The following VAC14 variants were observed in gnomAD, a reference collection of about 807,000 sequenced individuals.
VAC14 encodes the protein protein VAC14 homolog.
A neutral mutation model predicts 85.3 loss-of-function variants in VAC14; 47 were observed. The observed-to-expected ratio is 0.55, with a 90% CI of 0.44 to 0.70. The LOEUF (loss-of-function observed/expected upper bound fraction) is 0.70, where lower values mean the gene tolerates loss of function less well. VAC14 is among the 30% of genes least tolerant of loss of function. The probability of loss-of-function intolerance (pLI) is 0.00; values close to 1 mark genes in which losing one functional copy is unlikely to be tolerated. For missense variants in VAC14, 861 were observed against 1,004.3 expected, an observed-to-expected ratio of 0.86 and a Z score of 1.93; for synonymous variants, 447 against 430.5, an observed-to-expected ratio of 1.04 and a Z score of -0.47.
chr16:70,746,263 T>TC (rs1312054168), intron 12 of VAC14, among the ~76,000 whole-genome samples: 3 of 152,012 alleles, frequency 2.0e-5, no homozygotes, highest in African/African-American at 7.3e-5. Flanking sequence ...GCACGCAATC[T>TC]CCCAGCCTCA....
At chr16:70,795,863 G>T (rs927305566) in intron 1 of VAC14, among the ~76,000 whole-genome samples, 14 of 152,198 alleles carry the variant, frequency 9.2e-5, no homozygotes, top group Non-Finnish European at 1.5e-4. Context: ...ACTTGACCAT[G>T]AGTGGCGCTG....
intron 14 of VAC14, among the ~76,000 whole-genome samples, chr16:70,731,093 G>A (rs1295988168): frequency 1.3e-5 from 2 of 152,188 alleles, no homozygotes. Flanking sequence ...CATGACTCAG[G>A]AGCCTGGCTC....
chr16:70,691,303 A>G (rs1276583339), intron 18 of VAC14: 2 of 985,404 alleles, frequency 2.0e-6, no homozygotes, highest in Non-Finnish European at 2.4e-6. Flanking sequence ...TGGTTCCCAC[A>G]GGGAGACTGG....
intron 14 of VAC14, among the ~76,000 whole-genome samples, chr16:70,725,674 GAGGAGGCCCAGAATGAACCGGA>G (rs1220182004): frequency 2.0e-5 from 3 of 152,196 alleles, no homozygotes; most frequent in Non-Finnish European, 2.9e-5. Context: ...GCAGAGGTGA[GAGGAGGCCCAGAATGAACCGGA>G]AGCCTTGCTG....
At chr16:70,778,440 G>C (rs557595962) in intron 9 of VAC14, 1 of 151,334 alleles carries the variant, frequency 6.6e-6, no homozygotes, top group African/African-American at 2.4e-5. Flanking sequence ...TTTTTAAATT[G>C]AGATATAATT....
rs60817340 is a variant in VAC14 at position 70,784,830 on chromosome 16, G to A, written c.432C>T (p.Ala144=). The A allele has an allele frequency of 8.5e-3, 13,756 of 1,614,000 alleles. 895 individuals carry two copies. In the African/African-American group the frequency reaches 0.15, roughly 17 times the overall value. ...VLFDGLSKLA[A]DPDPNVKSGS... Reference sequence around the variant, plus strand: ...CGCTTTTCACATTGGGGTCTGGGTCGGCTGCCAGCTGCAAGAGGCACAGAC... The same window carrying A: ...CGCTTTTCACATTGGGGTCTGGGTCAGCTGCCAGCTGCAAGAGGCACAGAC... Residue 144 remains alanine (A), a synonymous_variant, in exon 4 of 19, where the codon GCC becomes GCT. Transcript: ENST00000261776.
chr16:70,753,835 C>T (rs534182026), intron 12 of VAC14, among the ~76,000 whole-genome samples: 9 of 152,302 alleles, frequency 5.9e-5, no homozygotes, highest in East Asian at 1.9e-4. Flanking sequence ...GCAGGCAACT[C>T]GCCCTGCAGC....
At chr16:70,694,201 C>G (rs2053660210) in intron 17 of VAC14, among the ~76,000 whole-genome samples, 1 of 152,198 alleles carries the variant, frequency 6.6e-6, no homozygotes, top group Non-Finnish European at 1.5e-5. Context: ...TGGAGTTCCT[C>G]CAGGGTCAGG....
intron 13 of VAC14, among the ~76,000 whole-genome samples, chr16:70,733,635 T>A (rs1278808709): frequency 2.6e-5 from 4 of 151,984 alleles, no homozygotes; most frequent in African/African-American, 9.7e-5. Flanking sequence ...TGGGGCACCT[T>A]CCTCTTACTC....
At chr16:70,780,755 A>G in intron 9 of VAC14, 35 bp downstream of exon 9, 1 of 1,537,862 alleles carries the variant, frequency 6.5e-7, no homozygotes, top group Non-Finnish European at 8.8e-7. Flanking sequence ...TGGGCCCCCG[A>G]CAGGAGGTGA....
In VAC14 at chr16:70,785,668, G is replaced by A. The variant is rs202056092; in HGVS notation, c.423+34C>T. 3.1e-5 allele frequency: 48 copies of A among 1,529,568 alleles called. No homozygotes were observed. The East Asian group carries it at 4.9e-4, about 16-fold the overall frequency. The allele number at this position is 1,529,568 out of a possible 1,614,324, so 94.7% of individuals were successfully genotyped here. On this transcript the variant is annotated intron_variant, in intron 3 of 18. Transcript: ENST00000261776. ...GTCAAGTGAGGTGGGGGAACCAAGCGCAGCTCAGTGAGGAGGAGGAGGAGG... is the reference window on the plus strand; with the variant it reads ...GTCAAGTGAGGTGGGGGAACCAAGCACAGCTCAGTGAGGAGGAGGAGGAGG...
intron 1 of VAC14, among the ~76,000 whole-genome samples, chr16:70,789,141 G>A (rs1368751854): frequency 6.6e-6 from 1 of 152,234 alleles, no homozygotes; most frequent in East Asian, 1.9e-4. Flanking sequence ...AAGACTAAAC[G>A]CAGAATGCGG....
chr16:70,729,093 G>T (rs994114150), intron 14 of VAC14, among the ~76,000 whole-genome samples: 1 of 152,182 alleles, frequency 6.6e-6, no homozygotes, highest in Non-Finnish European at 1.5e-5. Context: ...CTCCCTAGGG[G>T]ACCTCTGGCA....
intron 13 of VAC14, among the ~76,000 whole-genome samples, chr16:70,736,709 C>T (rs942802212): frequency 6.6e-6 from 1 of 152,170 alleles, no homozygotes; most frequent in Non-Finnish European, 1.5e-5. Context: ...TGCGAGAAGC[C>T]GCAGCAAGCG....
chr16:70,731,198 C>A lies in VAC14; in HGVS notation c.1661+297G>T, dbSNP rs1440415216. On this transcript the variant is annotated intron_variant, in intron 14 of 18. Coordinates refer to ENST00000261776, the MANE Select transcript of VAC14 (RefSeq NM_018052.5). The stretch of plus-strand genomic sequence containing the variant: ...GCTCACCTCCTTTCCTCTCCAAAAG[C>A]CTGACAATGGCATTGAATAAGAGGC... 7.7e-6 allele frequency: 7 copies of A among 914,268 alleles called. No homozygotes were observed. The African/African-American group carries it at 1.2e-4, about 16-fold the overall frequency. The allele number at this position is 914,268 out of a possible 1,614,324, so 56.6% of individuals were successfully genotyped here.
chr16:70,784,058 G>A (rs1423679745), intron 5 of VAC14, 55 bp downstream of exon 5: 1 of 1,449,186 alleles, frequency 6.9e-7, no homozygotes. Flanking sequence ...GAGTGTGCTA[G>A]AGAGCAGATT....
intron 12 of VAC14, among the ~76,000 whole-genome samples, chr16:70,761,664 C>T (rs2032397648): frequency 6.6e-6 from 1 of 152,214 alleles, no homozygotes; most frequent in Admixed American, 6.5e-5. Flanking sequence ...ACCTCCCAGG[C>T]CAGCCTCTGT....
chr16:70,708,225 A>G (rs1442343429), intron 14 of VAC14, among the ~76,000 whole-genome samples: 1 of 152,022 alleles, frequency 6.6e-6, no homozygotes, highest in African/African-American at 2.4e-5. Flanking sequence ...GTTCCCACCA[A>G]TTTCCTTCCT....
intron 17 of VAC14, among the ~76,000 whole-genome samples, chr16:70,693,409 G>A (rs1398768382): frequency 1.3e-5 from 2 of 152,262 alleles, no homozygotes; most frequent in African/African-American, 4.8e-5. Context: ...GCACGGGAGA[G>A]CTATAAATAG....
Sources: gnomAD v4.1 joint callset for allele counts (sites outside exome capture counted in the v4.1 genomes callset) on GRCh38, gnomAD v4.1.1 for gene constraint, MANE v1.5 for transcripts, NCBI Gene and HGNC (gene_info 2026-07-23, HGNC 2026-07-21) for gene names.